The following IGFL2 variants were observed in gnomAD, a reference collection of about 807,000 sequenced individuals.
The protein encoded by IGFL2 is insulin growth factor-like family member 2.
Under a neutral mutation model 13.9 loss-of-function variants are expected in IGFL2, and 7 were observed. The ratio of observed to expected loss-of-function variants is 0.51; its 90% CI spans 0.29 to 0.95. The LOEUF is 0.95. Among genes scored for constraint, IGFL2 ranks in the 40% least tolerant of loss-of-function variants. The pLI, the probability that IGFL2 is intolerant of heterozygous loss-of-function variation, is 0.08. For synonymous variants in IGFL2, 55 were observed against 55.8 expected (o/e 0.99, Z 0.07); for missense variants, 138 against 147.8 (o/e 0.93, Z 0.34).
the IGFL2 span, among the ~76,000 whole-genome samples, chr19:46,179,893 G>A: frequency 6.6e-6 from 1 of 152,004 alleles, no homozygotes; most frequent in Non-Finnish European, 1.5e-5. Flanking sequence ...TCCAGCCTGG[G>A]CGACAGAGTG....
chr19:46,137,872 C>G, the IGFL2 span, among the ~76,000 whole-genome samples: 1 of 152,208 alleles, frequency 6.6e-6, no homozygotes, highest in Non-Finnish European at 1.5e-5. Flanking sequence ...TCTGTGAGAT[C>G]TATTTGGTCC....
At chr19:46,169,868 A>T in the IGFL2 span, among the ~76,000 whole-genome samples, 5,361 of 130,060 alleles carry the variant, frequency 0.041, 168 homozygotes, top group African/African-American at 0.08. Flanking sequence ...AAAAAAAAAA[A>T]TGGAGATAAC....
At chr19:46,101,787 T>C in the IGFL2 span, among the ~76,000 whole-genome samples, 1 of 152,108 alleles carries the variant, frequency 6.6e-6, no homozygotes, top group Admixed American at 6.5e-5. Context: ...TGCAGCTCTG[T>C]GGTTGGGACC....
chr19:46,214,233 C>A, the IGFL2 span: 16 of 152,338 alleles, frequency 1.1e-4, no homozygotes, highest in East Asian at 1.7e-3. Context: ...CTGAGTTCAA[C>A]AAGCCCAGAG....
chr19:46,102,569 T>G, the IGFL2 span, among the ~76,000 whole-genome samples: 3 of 152,204 alleles, frequency 2.0e-5, no homozygotes, highest in Admixed American at 6.5e-5. Context: ...GGGTGTATTG[T>G]CACAAAGTCA....
the IGFL2 span, among the ~76,000 whole-genome samples, chr19:46,093,964 A>G: frequency 0.013 from 2,023 of 151,776 alleles, 31 homozygotes; most frequent in Middle Eastern, 0.027. Flanking sequence ...GGACTGGAAG[A>G]CTCATTGTTA....
the IGFL2 span, among the ~76,000 whole-genome samples, chr19:46,194,848 ATATATTTTTT>A: frequency 2.9e-5 from 1 of 33,952 alleles, no homozygotes; most frequent in Non-Finnish European, 6.3e-5. Flanking sequence ...ATATATATAT[ATATATTTTTT>A]TTTTTTTTTT....
chr19:46,142,341 C>A (rs375889296), upstream of IGFL2, among the ~76,000 whole-genome samples: 8 of 152,268 alleles, frequency 5.3e-5, no homozygotes, highest in South Asian at 2.1e-4. Flanking sequence ...TTAATACCAC[C>A]AGGTAATTTC....
chr19:46,168,901 T>G, the IGFL2 span, among the ~76,000 whole-genome samples: 1 of 132,834 alleles, frequency 7.5e-6, no homozygotes, highest in Non-Finnish European at 1.7e-5. Context: ...GTAGATTGAG[T>G]GTGTGTGTGT....
intron 1 of IGFL2, among the ~76,000 whole-genome samples, chr19:46,150,996 G>A (rs1342805397): frequency 6.6e-6 from 1 of 152,062 alleles, no homozygotes; most frequent in Non-Finnish European, 1.5e-5. Flanking sequence ...TATAGTCACC[G>A]TGCCCTGCAG....
intron 1 of IGFL2, among the ~76,000 whole-genome samples, chr19:46,150,004 G>A (rs1462873319): frequency 6.6e-6 from 1 of 152,032 alleles, no homozygotes; most frequent in Non-Finnish European, 1.5e-5. Flanking sequence ...AGTGTATGAG[G>A]GCTCACATTT....
At chr19:46,155,479 C>A (rs1482109671) in intron 1 of IGFL2, among the ~76,000 whole-genome samples, 1 of 152,102 alleles carries the variant, frequency 6.6e-6, no homozygotes, top group Non-Finnish European at 1.5e-5. Flanking sequence ...ATAAACATTT[C>A]TTTATTTGCT....
chr19:46,148,886 G>A, intron 1 of IGFL2: 1 of 1,542,930 alleles, frequency 6.5e-7, no homozygotes, highest in Non-Finnish European at 8.7e-7. Flanking sequence ...GCAATCTGTT[G>A]GGACTGTGAT....
At chr19:46,102,554 G>A in the IGFL2 span, among the ~76,000 whole-genome samples, 1 of 152,108 alleles carries the variant, frequency 6.6e-6, no homozygotes, top group Non-Finnish European at 1.5e-5. Flanking sequence ...TTGCGAGGGC[G>A]GGGAGGGTGT....
chr19:46,124,288 T>C, the IGFL2 span: 10 of 1,610,832 alleles, frequency 6.2e-6, no homozygotes, highest in South Asian at 1.1e-4. Context: ...TTTTGAACAC[T>C]GGAGGAGGAA....
upstream of IGFL2, among the ~76,000 whole-genome samples, chr19:46,145,183 A>AT (rs1208334783): frequency 1.3e-5 from 2 of 152,194 alleles, no homozygotes. Context: ...ATAATTTTAT[A>AT]AAAACAGCCA....
At chr19:46,178,977 G>T in the IGFL2 span, among the ~76,000 whole-genome samples, 7 of 152,162 alleles carry the variant, frequency 4.6e-5, no homozygotes, top group Non-Finnish European at 8.8e-5. Context: ...ACAGAGTTTG[G>T]TTTTTTCATC....
the IGFL2 span, chr19:46,124,021 G>T: frequency 1.1e-5 from 17 of 1,611,398 alleles, no homozygotes; most frequent in Non-Finnish European, 1.4e-5. Flanking sequence ...GAAGGTGCAG[G>T]TGGAGCCACA....
the IGFL2 span, among the ~76,000 whole-genome samples, chr19:46,192,109 C>T: frequency 2.0e-5 from 3 of 152,162 alleles, no homozygotes; most frequent in African/African-American, 4.8e-5. Context: ...GGGTTCCAAA[C>T]GTGCCTAGAA....
Sources: gnomAD v4.1 joint callset for allele counts (sites outside exome capture counted in the v4.1 genomes callset) on GRCh38, gnomAD v4.1.1 for gene constraint, MANE v1.5 for transcripts, NCBI Gene and HGNC (gene_info 2026-07-23, HGNC 2026-07-21) for gene names.